Variants in FBXO34 observed in about 807,000 individuals in gnomAD.
FBXO34 encodes F-box only protein 34.
Under a neutral mutation model 24.5 loss-of-function variants are expected in FBXO34, and 12 were observed. The ratio of observed to expected loss-of-function variants is 0.49; its 90% CI spans 0.31 to 0.79. The LOEUF is 0.79. Ranked by LOEUF, FBXO34 falls within the 30% of genes least tolerant of loss-of-function variation. FBXO34 has a pLI of 0.04. For synonymous variants in FBXO34, 320 were observed against 311.9 expected, an observed-to-expected ratio of 1.03 and a Z score of -0.27; for missense variants, 823 against 857.7, an observed-to-expected ratio of 0.96 and a Z score of 0.51.
rs576241671 is a variant in FBXO34, at chr14:55,303,662, T to A, written c.-11+32125T>A. Among the ~76,000 whole-genome samples the A allele has an allele frequency of 1.8e-4, 26 of 148,378 alleles. No individual in the cohort carries two copies. The South Asian group carries it at 1.9e-3, about 11-fold the overall frequency. On this transcript the variant is annotated intron_variant, in intron 1 of 1. Coordinates refer to ENST00000313833, the MANE Select transcript of FBXO34 (RefSeq NM_017943.4). ...ATGGGAACATACTTTTCTTTCTTTT[T>A]AAAAAAAAAACCCTTTATTTCCTTC...
intron 1 of FBXO34, among the ~76,000 whole-genome samples, chr14:55,303,355 G>A (rs1470912922): frequency 6.6e-6 from 1 of 152,168 alleles, no homozygotes; most frequent in Non-Finnish European, 1.5e-5. Flanking sequence ...GTCAGACTCA[G>A]AAATAGTGAC....
intron 1 of FBXO34, among the ~76,000 whole-genome samples, chr14:55,282,134 C>T (rs1384728172): frequency 1.3e-5 from 2 of 151,284 alleles, no homozygotes; most frequent in African/African-American, 4.9e-5. Flanking sequence ...GCAGCTGGGA[C>T]TACAGGCGCA....
At chr14:55,363,052 C>T (rs1454466935), downstream of FBXO34, among the ~76,000 whole-genome samples, 4 of 139,702 alleles carry the variant, frequency 2.9e-5, no homozygotes, top group South Asian at 2.3e-4. Context: ...GACGGAGTTT[C>T]GCTCTTGTTG....
chr14:55,428,117 A>ATTTT, the FBXO34 span, among the ~76,000 whole-genome samples: 3 of 48,332 alleles, frequency 6.2e-5, no homozygotes, highest in East Asian at 1.7e-3. Flanking sequence ...CACATGCCTT[A>ATTTT]TCTTTTTTTT....
chr14:55,377,052 A>G, the FBXO34 span, among the ~76,000 whole-genome samples: 1 of 152,212 alleles, frequency 6.6e-6, no homozygotes, highest in Non-Finnish European at 1.5e-5. Context: ...ACTCAGTGAT[A>G]AGAAAATTGT....
At chr14:55,427,880 CTTTTTTTTTT>C in the FBXO34 span, among the ~76,000 whole-genome samples, 5 of 130,896 alleles carry the variant, frequency 3.8e-5, no homozygotes, top group African/African-American at 1.4e-4. Context: ...GTTAGGATTG[CTTTTTTTTTT>C]TTTTTTTTGA....
At chr14:55,392,902 A>G in the FBXO34 span, among the ~76,000 whole-genome samples, 4 of 152,282 alleles carry the variant, frequency 2.6e-5, no homozygotes, top group East Asian at 1.9e-4. Flanking sequence ...GTTCAGAAAT[A>G]TATCAGATAT....
At chr14:55,377,759 A>C in the FBXO34 span, 1 of 1,293,212 alleles carries the variant, frequency 7.7e-7, no homozygotes, top group Non-Finnish European at 1.1e-6. Flanking sequence ...ATGCCAACAT[A>C]CAACTCCTCT....
chr14:55,326,360 G>A (rs1339008038), intron 1 of FBXO34, among the ~76,000 whole-genome samples: 2 of 152,134 alleles, frequency 1.3e-5, no homozygotes, highest in Admixed American at 6.5e-5. Context: ...TTTAGACTTC[G>A]GCCGAGTTGC....
At chr14:55,310,945 GA>G (rs201964761) in intron 1 of FBXO34, among the ~76,000 whole-genome samples, 48 of 141,278 alleles carry the variant, frequency 3.4e-4, no homozygotes, top group East Asian at 8.0e-4. Flanking sequence ...TCACTGCAAG[GA>G]AAAAAAAAAA....
Position 55,350,448 on chromosome 14 carries a change from A to G in FBXO34, c.58A>G (p.Arg20Gly), listed in dbSNP as rs1170791325. ...QKKEHPPEVSRETQRTPMNHQ... is the reference protein window; with the variant it reads ...QKKEHPPEVSGETQRTPMNHQ... ...GAAAGAGCACCCCCCGGAAGTCAGC[A>G]GGGAAACGCAGAGAACTCCTATGAA... The change falls in exon 2 of 2, where the codon AGG (arginine) becomes GGG (glycine). Residue 20 changes from arginine (R) to glycine (G), a missense_variant. By Grantham distance (125) the Arg-to-Gly change is moderately radical. Transcript: ENST00000313833. The G allele has an allele frequency of 6.2e-7, 1 of 1,609,848 alleles. No homozygotes were observed. Among genetic ancestry groups the G allele is most frequent in the Non-Finnish European group, 8.5e-7 (1 of 1,178,606 alleles).
chr14:55,285,812 A>G (rs1477551045), intron 1 of FBXO34, among the ~76,000 whole-genome samples: 1 of 152,178 alleles, frequency 6.6e-6, no homozygotes, highest in Non-Finnish European at 1.5e-5. Flanking sequence ...CTCATGTTTA[A>G]TGGCTATGAT....
At chr14:55,371,394 A>C (rs1336442876), downstream of FBXO34, among the ~76,000 whole-genome samples, 6 of 152,162 alleles carry the variant, frequency 3.9e-5, no homozygotes, top group African/African-American at 1.2e-4. Context: ...TCCCAGATGG[A>C]TTAAGCAATA....
At chr14:55,292,696 G>A (rs1881982266) in intron 1 of FBXO34, among the ~76,000 whole-genome samples, 1 of 151,984 alleles carries the variant, frequency 6.6e-6, no homozygotes, top group African/African-American at 2.4e-5. Flanking sequence ...TTAAAAGAAA[G>A]GATATATATG....
the FBXO34 span, chr14:55,414,342 T>A: frequency 6.7e-7 from 1 of 1,499,216 alleles, no homozygotes; most frequent in South Asian, 1.2e-5. Flanking sequence ...TATGGACATA[T>A]TCAAACCAGA....
rs1197936072 is a variant in FBXO34, at chr14:55,351,954, G to A, written c.1564G>A (p.Glu522Lys). 6.2e-7 allele frequency: 1 copy of A among 1,614,080 alleles called. No homozygotes were observed. Among genetic ancestry groups the A allele is most frequent in the Non-Finnish European group, 8.5e-7 (1 of 1,179,994 alleles). ...EDAAGGDSAS[E>K]EKSGSAEPFV... is the part of the protein sequence containing the mutation. ...TGCTGCTGGGGGTGACAGTGCATCT[G>A]AGGAAAAAAGTGGGTCTGCTGAGCC... The change falls in exon 2 of 2, where the codon GAG (glutamate) becomes AAG (lysine). Residue 522 changes from glutamate (E) to lysine (K), a missense_variant. By Grantham distance (56) the Glu-to-Lys change is moderately conservative. This residue lies in a region of FBXO34 where 693 missense variants were observed against 659.1 expected (regional missense o/e 1.05). Transcript: ENST00000313833.
intron 1 of FBXO34, among the ~76,000 whole-genome samples, chr14:55,317,997 C>A (rs1228077492): frequency 1.3e-5 from 2 of 152,086 alleles, no homozygotes; most frequent in Non-Finnish European, 2.9e-5. Flanking sequence ...CCTGTTTTAT[C>A]TTCTACTTTT....
chr14:55,413,725 G>T, the FBXO34 span: 1 of 297,696 alleles, frequency 3.4e-6, no homozygotes, highest in South Asian at 3.5e-5. Context: ...AACTTACTTG[G>T]CTCTTAGAGT....
downstream of FBXO34, chr14:55,369,673 G>A (rs967358104): frequency 1.9e-6 from 3 of 1,579,482 alleles, no homozygotes; most frequent in Non-Finnish European, 2.6e-6. Context: ...CTGCTGCAGA[G>A]GAGATCATCC....
Sources: allele counts gnomAD v4.1 joint callset (sites outside exome capture counted in the v4.1 genomes callset), GRCh38; gene constraint gnomAD v4.1.1; regional missense constraint gnomAD v4.1.1; transcripts MANE v1.5; gene names NCBI Gene and HGNC (gene_info 2026-07-23, HGNC 2026-07-21).